The following SLIT3 variants were observed in gnomAD, a reference collection of about 807,000 sequenced individuals.
SLIT3 encodes slit guidance ligand 3, also known as slit homolog 3 protein.
In SLIT3, 68 loss-of-function variants were observed where a neutral mutation model predicts 184.0. The ratio of observed to expected loss-of-function variants is 0.37; its 90% CI spans 0.30 to 0.45. The LOEUF (loss-of-function observed/expected upper bound fraction) is 0.45. Ranked by LOEUF, SLIT3 falls within the 20% of genes least tolerant of loss-of-function variation. The pLI is 1.00. For synonymous variants in SLIT3, 831 were observed against 828.6 expected (o/e 1.00, Z -0.05); for missense variants, 1,707 against 2,026.0 (o/e 0.84, Z 3.02).
chr5:168,767,513 C>T (rs937720814), intron 14 of SLIT3, among the ~76,000 whole-genome samples: 3 of 152,230 alleles, frequency 2.0e-5, no homozygotes, highest in African/African-American at 7.2e-5. Context: ...CCAGCACCTC[C>T]ACGTTAACTG....
chr5:169,055,636 C>T (rs1378338034), intron 4 of SLIT3, among the ~76,000 whole-genome samples: 1 of 152,042 alleles, frequency 6.6e-6, no homozygotes, highest in Non-Finnish European at 1.5e-5. Flanking sequence ...GTCAAGAGAT[C>T]GAGACCATCC....
intron 4 of SLIT3, among the ~76,000 whole-genome samples, chr5:168,886,757 G>A (rs1304436326): frequency 1.3e-5 from 2 of 152,124 alleles, no homozygotes; most frequent in African/African-American, 4.8e-5. Flanking sequence ...TGGGGAGTAG[G>A]GCTAGGAATT....
chr5:168,842,475 T>TTTTG lies in SLIT3; in HGVS notation c.557+2108_557+2109insCAAA, dbSNP rs1561962556. Among the ~76,000 whole-genome samples, 4 of 131,818 alleles carry TTTTG rather than the reference T, an allele frequency of 3.0e-5. No individual in the cohort carries two copies. The East Asian group carries it at 6.4e-4, about 21-fold the overall frequency. 86.5% of individuals were successfully genotyped at this position (131,818 alleles called of 152,430 possible). ...ATCTGGATACCGTTTTTTCGTTTTT[T>TTTTG]TTTTTTTTTTTTGTATCTGAGTAGA... On this transcript the variant is annotated intron_variant, in intron 6 of 35. Transcript: ENST00000519560.
rs566058227 is a variant in SLIT3, at chr5:168,801,093, G to A, written c.935+5353C>T. ...AAAGTAAGAGGCAGAACAAGGATTC[G>A]AACCCCCAAGTGTGGATCCCAATGC... On this transcript the variant is annotated intron_variant, in intron 9 of 35. Transcript: ENST00000519560. Among the ~76,000 whole-genome samples the A allele has an allele frequency of 1.1e-3, 163 of 152,192 alleles. 2 individuals carry two copies. Among genetic ancestry groups the A allele is most frequent in the African/African-American group, 3.7e-3 (154 of 41,512 alleles).
At chr5:168,793,176 C>T (rs1366646168) in intron 10 of SLIT3, among the ~76,000 whole-genome samples, 1 of 152,100 alleles carries the variant, frequency 6.6e-6, no homozygotes, top group Non-Finnish European at 1.5e-5. Flanking sequence ...CGAAGGTAAC[C>T]ACTAGGAATA....
chr5:169,126,830 A>C lies in SLIT3; in HGVS notation c.413+66649T>G, dbSNP rs1183553853. On this transcript the variant is annotated intron_variant, in intron 4 of 35. Coordinates refer to ENST00000519560, the MANE Select transcript of SLIT3 (RefSeq NM_003062.4). Reference sequence around the variant, plus strand: ...AGAGGTTAGGCCACAGATGGGGATCACTTCAAACCTGATCCTTGGTTGCCC... The same window carrying C: ...AGAGGTTAGGCCACAGATGGGGATCCCTTCAAACCTGATCCTTGGTTGCCC... Among the ~76,000 whole-genome samples, 6 of 151,930 alleles carry C rather than the reference A, an allele frequency of 3.9e-5. No homozygotes were observed. In the East Asian group the frequency reaches 1.2e-3, roughly 29 times the overall value.
At chr5:168,699,957 C>G (rs774222117) in intron 27 of SLIT3, among the ~76,000 whole-genome samples, 1 of 152,190 alleles carries the variant, frequency 6.6e-6, no homozygotes, top group Admixed American at 6.5e-5. Context: ...GGAGGAAGCA[C>G]GAGGTTGGGA....
At chr5:169,160,888 T>C (rs1241403730) in intron 4 of SLIT3, among the ~76,000 whole-genome samples, 1 of 152,206 alleles carries the variant, frequency 6.6e-6, no homozygotes, top group Non-Finnish European at 1.5e-5. Flanking sequence ...CTCTCTAACA[T>C]GGCAATGGGA....
intron 4 of SLIT3, among the ~76,000 whole-genome samples, chr5:168,939,116 A>T (rs1762253481): frequency 1.3e-5 from 2 of 152,286 alleles, no homozygotes; most frequent in Non-Finnish European, 1.5e-5. Flanking sequence ...AGGAACCGGA[A>T]ACACAGACTA....
chr5:168,667,768 T>C (rs1761103327), intron 35 of SLIT3: 1 of 152,240 alleles, frequency 6.6e-6, no homozygotes, highest in Non-Finnish European at 1.5e-5. Flanking sequence ...AAGGGCTTTA[T>C]GCATTTTAAA....
chr5:169,270,796 C>A (rs990571013), intron 1 of SLIT3, among the ~76,000 whole-genome samples: 6 of 152,184 alleles, frequency 3.9e-5, no homozygotes, highest in African/African-American at 1.4e-4. Context: ...GCTTATTCTG[C>A]ACTTGGGGGA....
At chr5:168,712,379 A>T (rs1762586122) in intron 23 of SLIT3, 25 bp from the exon 24 acceptor site, 1 of 1,609,048 alleles carries the variant, frequency 6.2e-7, no homozygotes, top group African/African-American at 1.3e-5. Flanking sequence ...ACAGGTCGGA[A>T]GGTTAGCATC....
intron 4 of SLIT3, among the ~76,000 whole-genome samples, chr5:169,032,845 C>T (rs1757082087): frequency 6.8e-6 from 1 of 146,558 alleles, no homozygotes; most frequent in African/African-American, 2.5e-5. Context: ...ATATGGGATA[C>T]AAACACATAG....
chr5:169,194,154 G>T (rs1763663039), intron 3 of SLIT3, among the ~76,000 whole-genome samples: 1 of 142,090 alleles, frequency 7.0e-6, no homozygotes, highest in Admixed American at 7.3e-5. Flanking sequence ...AGAATCGCTT[G>T]AACCCAGGAG....
intron 9 of SLIT3, among the ~76,000 whole-genome samples, chr5:168,798,349 GAGT>G (rs1756649383): frequency 6.6e-6 from 1 of 151,542 alleles, no homozygotes; most frequent in Admixed American, 6.6e-5. Flanking sequence ...TCAGCTTCCT[GAGT>G]AGCTAGGACC....
intron 32 of SLIT3, among the ~76,000 whole-genome samples, chr5:168,676,802 T>A (rs1761425143): frequency 6.6e-6 from 1 of 152,204 alleles, no homozygotes; most frequent in Non-Finnish European, 1.5e-5. Flanking sequence ...ACATTATGAT[T>A]CAGGGAGTCA....
intron 4 of SLIT3, among the ~76,000 whole-genome samples, chr5:168,991,051 A>G (rs1755306815): frequency 6.6e-6 from 1 of 152,168 alleles, no homozygotes; most frequent in Non-Finnish European, 1.5e-5. Flanking sequence ...AAAGGAATTT[A>G]TCTGACATCA....
intron 4 of SLIT3, among the ~76,000 whole-genome samples, chr5:169,131,427 C>T (rs146892677): frequency 8.1e-4 from 123 of 152,208 alleles, no homozygotes; most frequent in African/African-American, 2.7e-3. Context: ...CAAGTACTGC[C>T]GGTTATTCTG....
Position 169,255,286 on chromosome 5 carries a change from G to A in SLIT3, c.198-3827C>T, listed in dbSNP as rs370773254. Among the ~76,000 whole-genome samples, 8 of 152,256 alleles carry A rather than the reference G, an allele frequency of 5.3e-5. No homozygotes were observed. In the East Asian group the frequency reaches 1.5e-3, roughly 29 times the overall value. ...CAGCTTCACGCATGTCCTTGAGGAG[G>A]TATTCCAGAGGAAGGCATTGTTATC... On this transcript the variant is annotated intron_variant, in intron 1 of 35. Coordinates refer to ENST00000519560, the MANE Select transcript of SLIT3 (RefSeq NM_003062.4).
Sources: allele counts gnomAD v4.1 joint callset (sites outside exome capture counted in the v4.1 genomes callset), GRCh38; gene constraint gnomAD v4.1.1; transcripts MANE v1.5; gene names NCBI Gene and HGNC (gene_info 2026-07-23, HGNC 2026-07-21).